Variants in PIAS1 observed in about 807,000 individuals in gnomAD.
PIAS1 encodes the protein protein inhibitor of activated STAT 1.
Under a neutral mutation model 71.3 loss-of-function variants are expected in PIAS1, and 6 were observed. The observed-to-expected ratio is 0.08, with a 90% CI of 0.05 to 0.17. The LOEUF is 0.17. Ranked by LOEUF, PIAS1 falls within the 10% of genes least tolerant of loss-of-function variation. The probability of loss-of-function intolerance (pLI) is 1.00; values close to 1 mark genes in which losing one functional copy is unlikely to be tolerated. For missense variants in PIAS1, 555 were observed against 793.6 expected (o/e 0.70, Z 3.61); for synonymous variants, 303 against 292.9 (o/e 1.03, Z -0.35).
chr15:68,166,849 G>A (rs530343040), intron 8 of PIAS1, among the ~76,000 whole-genome samples: 3 of 151,916 alleles, frequency 2.0e-5, no homozygotes, highest in South Asian at 4.2e-4. Context: ...TTTTTGAGAC[G>A]GGGTTTCACT....
At chr15:68,155,466 A>AAAAAAAAAAC (rs1567067561) in intron 7 of PIAS1, among the ~76,000 whole-genome samples, 2 of 145,506 alleles carry the variant, frequency 1.4e-5, no homozygotes, top group African/African-American at 5.0e-5. Flanking sequence ...AAAAAAAAAA[A>AAAAAAAAAAC]AAAAAACCAA....
intron 2 of PIAS1, among the ~76,000 whole-genome samples, chr15:68,130,613 G>A (rs1019521195): frequency 7.6e-5 from 11 of 144,668 alleles, no homozygotes; most frequent in African/African-American, 2.8e-4. Flanking sequence ...AATGTTCTCA[G>A]TTATTAAAAA....
At chr15:68,180,117 T>G (rs1316123415) in intron 11 of PIAS1, among the ~76,000 whole-genome samples, 1 of 152,204 alleles carries the variant, frequency 6.6e-6, no homozygotes, top group Non-Finnish European at 1.5e-5. Flanking sequence ...TTTGTTTTGT[T>G]TTGAGACAGG....
chr15:68,086,198 T>G lies in PIAS1; in HGVS notation c.25-108T>G. On this transcript the variant is annotated intron_variant, in intron 1 of 13. Transcript: ENST00000249636. The surrounding 1 kb of genome is among the most constrained non-coding windows in gnomAD (Gnocchi z 7.2). ...AATAGGATTATAAGTGAGCTGGCCT[T>G]TATTTGCTTAAGTAAACCATAAGAA... 4 of 739,128 alleles carry G rather than the reference T, an allele frequency of 5.4e-6. No homozygotes were observed. In the South Asian group the frequency reaches 6.2e-5, roughly 11 times the overall value. 45.8% of individuals were successfully genotyped at this position (739,128 alleles called of 1,614,324 possible).
Position 68,187,631 on chromosome 15 carries a change from C to G in PIAS1, c.1752C>G (p.Thr584=). 1 of 1,613,900 alleles carries G rather than the reference C, an allele frequency of 6.2e-7. No homozygotes were observed. ...ACTCGTCTCGGTTTTTCCCGTATACCTCCTCACAGATGTTTCTTGATCAGT... is the reference window on the plus strand; with the variant it reads ...ACTCGTCTCGGTTTTTCCCGTATACGTCCTCACAGATGTTTCTTGATCAGT... ...LLHSSRFFPY[T]SSQMFLDQLS... is the part of the protein sequence containing the mutation. The change falls in exon 14 of 14, where the codon ACC becomes ACG. Residue 584 remains threonine (T), a synonymous_variant. Transcript: ENST00000249636. This position sits in a 1 kb window ranked among gnomAD's most constrained non-coding sequence, Gnocchi z 5.3.
intron 2 of PIAS1, among the ~76,000 whole-genome samples, chr15:68,107,796 G>GAA (rs879935780): frequency 2.9e-4 from 41 of 142,194 alleles, no homozygotes; most frequent in African/African-American, 9.0e-4. Flanking sequence ...ACACATTTAA[G>GAA]AAAAAAAAAA....
At chr15:68,130,039 T>C (rs975506743) in intron 2 of PIAS1, among the ~76,000 whole-genome samples, 14 of 152,056 alleles carry the variant, frequency 9.2e-5, no homozygotes, top group Admixed American at 8.5e-4. Flanking sequence ...AAAGATATGT[T>C]CATTTTGAGG....
intron 2 of PIAS1, among the ~76,000 whole-genome samples, chr15:68,118,308 G>A (rs1172590049): frequency 2.1e-5 from 3 of 142,878 alleles, no homozygotes; most frequent in African/African-American, 7.9e-5. Context: ...ATGACAGAAC[G>A]AGTGTCTGTC....
chr15:68,091,673 C>A (rs2092333394), intron 2 of PIAS1, among the ~76,000 whole-genome samples: 1 of 152,084 alleles, frequency 6.6e-6, no homozygotes, highest in Non-Finnish European at 1.5e-5. Flanking sequence ...TTGAAAATAT[C>A]CAAAGTCAGA....
rs1256682172 is a variant in PIAS1 at position 68,086,997 on chromosome 15, A to G, written c.469+247A>G. Among the ~76,000 whole-genome samples the G allele has an allele frequency of 1.3e-5, 2 of 152,252 alleles. No individual in the cohort carries two copies. The highest frequency in any genetic ancestry group is 2.9e-5 in the Non-Finnish European group (2 of 68,038). On this transcript the variant is annotated intron_variant, in intron 2 of 13. Coordinates refer to ENST00000249636, the MANE Select transcript of PIAS1 (RefSeq NM_016166.3). The surrounding 1 kb of genome is among the most constrained non-coding windows in gnomAD (Gnocchi z 7.2). Reference sequence around the variant, plus strand: ...AAAAGTTTCAAGAATATAAACTTCCAAAGAGTAGTATTTTAGAAGGTTGAT... The same window carrying G: ...AAAAGTTTCAAGAATATAAACTTCCGAAGAGTAGTATTTTAGAAGGTTGAT...
In PIAS1 at chr15:68,189,349, T is replaced by C. The variant is rs1364250108; in HGVS notation, c.*1514T>C. On this transcript the variant is annotated 3_prime_UTR_variant, in exon 14 of 14. Transcript: ENST00000249636. The stretch of plus-strand genomic sequence containing the variant: ...TTAACAGAAGAGATAAGGGGCATAA[T>C]GACTGCTGGTTTTCCAGACTGGATT... 1.3e-5 allele frequency: 2 copies of C among 152,226 alleles called. No homozygotes were observed. Among genetic ancestry groups the C allele is most frequent in the African/African-American group, 4.8e-5 (2 of 41,456 alleles). 9.4% of individuals were successfully genotyped at this position (152,226 alleles called of 1,614,324 possible). A position where few individuals can be genotyped will look rare whatever the true frequency, so the allele number is the denominator to read the frequency against.
intron 11 of PIAS1, among the ~76,000 whole-genome samples, chr15:68,179,561 G>GTT (rs1307028845): frequency 3.6e-4 from 11 of 30,180 alleles, no homozygotes; most frequent in Non-Finnish European, 4.9e-4. Context: ...CTCGTGAAAT[G>GTT]TTCTTTTTTT....
At chr15:68,095,315 C>G (rs1401731562) in intron 2 of PIAS1, among the ~76,000 whole-genome samples, 2 of 151,932 alleles carry the variant, frequency 1.3e-5, no homozygotes, top group Admixed American at 1.3e-4. Flanking sequence ...CGCTCAGCCT[C>G]CTGTGCACAA....
intron 2 of PIAS1, among the ~76,000 whole-genome samples, chr15:68,124,256 G>T (rs1020177195): frequency 5.3e-5 from 8 of 152,162 alleles, no homozygotes; most frequent in Non-Finnish European, 1.2e-4. Flanking sequence ...ACTATGTAAA[G>T]AAGTAAAACA....
At chr15:68,146,744 G>A (rs1194471119) in intron 6 of PIAS1, 44 bp downstream of exon 6, 4 of 1,448,136 alleles carry the variant, frequency 2.8e-6, no homozygotes, top group Middle Eastern at 1.8e-4. Context: ...ATTATAAGGA[G>A]GGGTTAATCA....
At chr15:68,114,137 A>C (rs183054521) in intron 2 of PIAS1, among the ~76,000 whole-genome samples, 1 of 152,142 alleles carries the variant, frequency 6.6e-6, no homozygotes, top group African/African-American at 2.4e-5. Context: ...ACATATGCTC[A>C]ATGTGAAGAA....
At chr15:68,137,047 A>C (rs1458832215) in intron 2 of PIAS1, among the ~76,000 whole-genome samples, 1 of 152,232 alleles carries the variant, frequency 6.6e-6, no homozygotes, top group African/African-American at 2.4e-5. Flanking sequence ...GCCAGAGTGT[A>C]ATCACTAGAT....
chr15:68,064,298 C>A (rs2091992742), intron 1 of PIAS1, among the ~76,000 whole-genome samples: 1 of 152,186 alleles, frequency 6.6e-6, no homozygotes, highest in African/African-American at 2.4e-5. Flanking sequence ...CTTTGGAAGA[C>A]ATGTATTTGC....
In PIAS1 at chr15:68,086,507, T is replaced by C; in HGVS notation, c.226T>C (p.Ser76Pro). ...GAAAATCATGACGCCTGCAGACTTG[T>C]CCATCCCCAACGTACATTCAAGTCC... ...PQKIMTPADLSIPNVHSSPMP... is the reference protein window; with the variant it reads ...PQKIMTPADLPIPNVHSSPMP... The change falls in exon 2 of 14, where the codon TCC (serine) becomes CCC (proline). Residue 76 changes from serine (S) to proline (P), a missense_variant. By Grantham distance (74) the Ser-to-Pro change is moderately conservative. This residue lies in a region of PIAS1 where 80 missense variants were observed against 66.9 expected (regional missense o/e 1.20). Coordinates refer to ENST00000249636, the MANE Select transcript of PIAS1 (RefSeq NM_016166.3). This position sits in a 1 kb window ranked among gnomAD's most constrained non-coding sequence, Gnocchi z 7.2. 1.2e-6 allele frequency: 2 copies of C among 1,613,882 alleles called. No homozygotes were observed. Among genetic ancestry groups the C allele is most frequent in the Non-Finnish European group, 8.5e-7 (1 of 1,179,810 alleles).
Sources: allele counts gnomAD v4.1 joint callset (sites outside exome capture counted in the v4.1 genomes callset), GRCh38; gene constraint gnomAD v4.1.1; regional missense constraint gnomAD v4.1.1; non-coding constraint Gnocchi (gnomAD v3.1); transcripts MANE v1.5; gene names NCBI Gene and HGNC (gene_info 2026-07-23, HGNC 2026-07-21).